Variants in CLASP2 observed in about 807,000 individuals in gnomAD.
CLASP2 encodes the protein cytoplasmic linker associated protein 2, also known as CLIP-associating protein 2.
A neutral mutation model predicts 194.4 loss-of-function variants in CLASP2; 47 were observed. The observed-to-expected ratio is 0.24, with a 90% CI of 0.19 to 0.31. CLASP2 has a LOEUF of 0.31. Ranked by LOEUF, CLASP2 falls within the 10% of genes least tolerant of loss-of-function variation. The pLI, the probability that CLASP2 is intolerant of heterozygous loss-of-function variation, is 1.00. For synonymous variants in CLASP2, 619 were observed against 633.5 expected (o/e 0.98, Z 0.34); for missense variants, 1,445 against 1,823.6 (o/e 0.79, Z 3.78).
At chr3:33,587,189 G>C (rs915653821) in intron 21 of CLASP2, among the ~76,000 whole-genome samples, 4 of 151,562 alleles carry the variant, frequency 2.6e-5, no homozygotes, top group African/African-American at 9.7e-5. Flanking sequence ...GCAGTGGTGT[G>C]ATCTTGGCTC....
chr3:33,677,032 A>G (rs2088805515), intron 6 of CLASP2, among the ~76,000 whole-genome samples: 1 of 152,204 alleles, frequency 6.6e-6, no homozygotes. Flanking sequence ...TAGAATGGCA[A>G]TCATTAAAAA....
intron 7 of CLASP2, among the ~76,000 whole-genome samples, chr3:33,660,161 T>G (rs2085051512): frequency 1.3e-5 from 2 of 152,184 alleles, no homozygotes; most frequent in Admixed American, 1.3e-4. Flanking sequence ...CCACCAACAC[T>G]GTTAGTGTTT....
At chr3:33,568,295 G>T (rs2063108014) in intron 26 of CLASP2, among the ~76,000 whole-genome samples, 1 of 152,016 alleles carries the variant, frequency 6.6e-6, no homozygotes. Flanking sequence ...GCTCACGCTT[G>T]TCATCACAGC....
At chr3:33,682,611 T>C (rs947012365) in intron 6 of CLASP2, among the ~76,000 whole-genome samples, 3 of 152,172 alleles carry the variant, frequency 2.0e-5, no homozygotes, top group Non-Finnish European at 4.4e-5. Context: ...AATAAAAGTA[T>C]ATAAACTGAG....
intron 16 of CLASP2, among the ~76,000 whole-genome samples, chr3:33,605,242 G>A (rs1388924599): frequency 2.0e-5 from 3 of 152,060 alleles, no homozygotes; most frequent in Non-Finnish European, 2.9e-5. Flanking sequence ...ATTTTAAAAA[G>A]ATCTTCAGGT....
chr3:33,559,025 T>C (rs2061387685), intron 29 of CLASP2: 2 of 471,692 alleles, frequency 4.2e-6, no homozygotes, highest in Admixed American at 3.5e-5. Flanking sequence ...AATGTGTGCA[T>C]GCGTAAAAGG....
At chr3:33,531,009 A>C (rs1336878892) in intron 34 of CLASP2, among the ~76,000 whole-genome samples, 1 of 152,228 alleles carries the variant, frequency 6.6e-6, no homozygotes, top group Non-Finnish European at 1.5e-5. Flanking sequence ...CTTAAGTGAC[A>C]GCAAATAGTC....
chr3:33,543,304 T>C (rs1031276825), intron 32 of CLASP2, 129 bp downstream of exon 32: 9 of 610,068 alleles, frequency 1.5e-5, no homozygotes, highest in South Asian at 1.0e-4. Context: ...ACCTGGGAGG[T>C]AGAGGTTGCA....
At chr3:33,502,480 A>G (rs576883417) in intron 37 of CLASP2, 1 of 152,218 alleles carries the variant, frequency 6.6e-6, no homozygotes, top group South Asian at 2.1e-4. Flanking sequence ...CTACTTTGAA[A>G]TATACATTAT....
At chr3:33,670,300 T>C (rs567393041) in intron 6 of CLASP2, among the ~76,000 whole-genome samples, 1 of 152,328 alleles carries the variant, frequency 6.6e-6, no homozygotes, top group Middle Eastern at 3.4e-3. Flanking sequence ...AAGTGGCTTC[T>C]GGGATGTTGT....
At chr3:33,502,399 A>G (rs1380583428) in intron 37 of CLASP2, 4 of 152,238 alleles carry the variant, frequency 2.6e-5, no homozygotes, top group Non-Finnish European at 4.4e-5. Context: ...AGGCTAATCA[A>G]CATATCCATC....
chr3:33,684,324 A>G, intron 6 of CLASP2, 35 bp downstream of exon 6: 2 of 993,718 alleles, frequency 2.0e-6, no homozygotes, highest in Non-Finnish European at 2.8e-6. Context: ...CTAGTGGTGA[A>G]AAAAAAAAAA....
chr3:33,539,856 A>C (rs1165302559), intron 32 of CLASP2, among the ~76,000 whole-genome samples: 2 of 152,302 alleles, frequency 1.3e-5, no homozygotes, highest in South Asian at 2.1e-4. Context: ...TGCTTGACAA[A>C]GAGATAAATG....
chr3:33,617,951 A>ATTT (rs34651802), intron 12 of CLASP2, among the ~76,000 whole-genome samples: 2 of 116,550 alleles, frequency 1.7e-5, no homozygotes, highest in Non-Finnish European at 1.9e-5. Flanking sequence ...ATATATATAT[A>ATTT]TTTTTTTTTT....
In CLASP2 at chr3:33,626,894, T is replaced by A. The variant is rs1257503099; in HGVS notation, c.1035+94A>T. 2.0e-5 allele frequency: 14 copies of A among 688,656 alleles called. No individual in the cohort carries two copies. In the African/African-American group the frequency reaches 2.6e-4, roughly 13 times the overall value. The allele number at this position is 688,656 out of a possible 1,614,324, so 42.7% of individuals were successfully genotyped here. A position where few individuals can be genotyped will look rare whatever the true frequency, so the allele number is the denominator to read the frequency against. ...CCTATCAGACTCTCTATTTTATAAG[T>A]GAATACCATATAGTACTACTACTGA... On this transcript the variant is annotated intron_variant, in intron 10 of 38. Transcript: ENST00000682230.
At chr3:33,606,305 C>CTT (rs1228822719) in intron 16 of CLASP2, among the ~76,000 whole-genome samples, 3 of 152,054 alleles carry the variant, frequency 2.0e-5, no homozygotes, top group African/African-American at 7.2e-5. Flanking sequence ...ATTGTAAGTA[C>CTT]TGTTTTTGTG....
chr3:33,623,243 C>T (rs2077406697), intron 10 of CLASP2, among the ~76,000 whole-genome samples: 1 of 152,212 alleles, frequency 6.6e-6, no homozygotes, highest in Admixed American at 6.5e-5. Flanking sequence ...TCACCTCAAA[C>T]ATCAATCAGT....
chr3:33,576,321 A>T, intron 23 of CLASP2, 46 bp from the exon 24 acceptor site: 1 of 1,478,580 alleles, frequency 6.8e-7, no homozygotes, highest in Non-Finnish European at 9.4e-7. Context: ...AGTCATAAAT[A>T]TAACAGTGTC....
rs1346768426 is a variant in CLASP2 at position 33,581,674 on chromosome 3, T to C, written c.2347+147A>G. On this transcript the variant is annotated intron_variant, in intron 23 of 38. Transcript: ENST00000682230. ...TCAAGTCAAAGGAATTTCCCAAACA[T>C]GTAATTTCCTTTCCTCAAAATGACA... 105 of 594,860 alleles carry C rather than the reference T, an allele frequency of 1.8e-4. No individual in the cohort carries two copies. The East Asian group carries it at 3.0e-3, about 17-fold the overall frequency. 36.8% of individuals were successfully genotyped at this position (594,860 alleles called of 1,614,324 possible).
Sources: gnomAD v4.1 joint callset for allele counts (sites outside exome capture counted in the v4.1 genomes callset) on GRCh38, gnomAD v4.1.1 for gene constraint, MANE v1.5 for transcripts, NCBI Gene and HGNC (gene_info 2026-07-23, HGNC 2026-07-21) for gene names.